KAZN: variants seen among roughly 807,000 people sequenced by gnomAD.
KAZN encodes the protein kazrin, periplakin interacting protein, also known as kazrin.
In KAZN, 40 loss-of-function variants were observed where a neutral mutation model predicts 87.4. That is an observed-to-expected ratio of 0.46 (90% CI 0.36 to 0.60). KAZN has a LOEUF of 0.60. Among genes scored for constraint, KAZN ranks in the 20% least tolerant of loss-of-function variants. The pLI is 0.00. For missense variants in KAZN, 898 were observed against 1,073.9 expected, an observed-to-expected ratio of 0.84 and a Z score of 2.29; for synonymous variants, 466 against 458.3, an observed-to-expected ratio of 1.02 and a Z score of -0.22.
intron 2 of KAZN, among the ~76,000 whole-genome samples, chr1:14,267,977 G>T (rs1651626186): frequency 1.3e-5 from 2 of 152,120 alleles, no homozygotes; most frequent in Admixed American, 6.6e-5. Flanking sequence ...AAAGAGAAAA[G>T]AAAAGCTGTT....
chr1:13,899,643 CCT>C (rs1491102424), intron 1 of KAZN, among the ~76,000 whole-genome samples: 3 of 79,092 alleles, frequency 3.8e-5, no homozygotes, highest in African/African-American at 1.9e-4. Context: ...TCTTGGTTGT[CCT>C]TTTTTTTTTT....
intron 2 of KAZN, among the ~76,000 whole-genome samples, chr1:14,259,958 G>A (rs1018305475): frequency 2.0e-5 from 3 of 152,114 alleles, no homozygotes; most frequent in Non-Finnish European, 2.9e-5. Context: ...AAAGCACAAC[G>A]CAAGCGGATT....
chr1:15,109,752 TA>T (rs1641428923), intron 13 of KAZN, among the ~76,000 whole-genome samples: 2 of 140,260 alleles, frequency 1.4e-5, no homozygotes, highest in African/African-American at 5.7e-5. Flanking sequence ...TTTGTGTTTG[TA>T]TGTTTGTGTC....
chr1:14,578,836 T>C (rs887505007), intron 2 of KAZN, among the ~76,000 whole-genome samples: 1 of 152,168 alleles, frequency 6.6e-6, no homozygotes, highest in Admixed American at 6.5e-5. Context: ...AAGAGGATGG[T>C]TTTATAGCCA....
chr1:14,044,592 A>T (rs2101421465), intron 1 of KAZN, among the ~76,000 whole-genome samples: 1 of 152,334 alleles, frequency 6.6e-6, no homozygotes, highest in South Asian at 2.1e-4. Flanking sequence ...CTTTATTATT[A>T]TTATTATTAT....
At chr1:14,716,136 AATGTGTATATATGTGC>A (rs1642782369) in intron 1 of KAZN, among the ~76,000 whole-genome samples, 2 of 152,130 alleles carry the variant, frequency 1.3e-5, no homozygotes, top group South Asian at 4.2e-4. Context: ...TGCAGAGAAA[AATGTGTATATATGTGC>A]ATGTGTATGT....
intron 1 of KAZN, among the ~76,000 whole-genome samples, chr1:14,864,272 G>T (rs976350311): frequency 1.3e-5 from 2 of 152,190 alleles, no homozygotes; most frequent in African/African-American, 2.4e-5. Flanking sequence ...TTCAACAATG[G>T]TTCACATGGG....
At chr1:13,957,412 G>A (rs1284931795) in intron 1 of KAZN, among the ~76,000 whole-genome samples, 1 of 152,196 alleles carries the variant, frequency 6.6e-6, no homozygotes, top group Non-Finnish European at 1.5e-5. Context: ...CCTTCAGACA[G>A]TAAAAGGTTA....
chr1:14,592,208 C>T (rs527644566), intron 2 of KAZN, among the ~76,000 whole-genome samples: 2 of 152,260 alleles, frequency 1.3e-5, no homozygotes, highest in Admixed American at 6.5e-5. Flanking sequence ...TTTGAATAAA[C>T]AGAGACTCCG....
At position 14,647,014 on chromosome 1, in the gene KAZN, C is replaced by T. The variant is rs376132182; in HGVS notation, c.226+47791C>T. Among the ~76,000 whole-genome samples the T allele has an allele frequency of 1.5e-4, 23 of 152,246 alleles. No homozygotes were observed. In the East Asian group the frequency reaches 1.5e-3, roughly 10 times the overall value. On this transcript the variant is annotated intron_variant, in intron 1 of 14. Coordinates refer to ENST00000376030, the MANE Select transcript of KAZN (RefSeq NM_201628.3). ...TATCCTCTCTCCACACCCATGTTAC[C>T]CCATACTCATGACTTGGCAGAGGAA...
intron 1 of KAZN, among the ~76,000 whole-genome samples, chr1:14,868,206 C>G (rs867640563): frequency 6.6e-6 from 1 of 152,066 alleles, no homozygotes; most frequent in African/African-American, 2.4e-5. Context: ...GCATCACATA[C>G]GCAGGCATCG....
At chr1:14,802,606 G>A (rs12021767) in intron 1 of KAZN, among the ~76,000 whole-genome samples, 1 of 152,186 alleles carries the variant, frequency 6.6e-6, no homozygotes, top group Non-Finnish European at 1.5e-5. Flanking sequence ...CCAGAGCGCA[G>A]CCGTCTCGGG....
intron 3 of KAZN, among the ~76,000 whole-genome samples, chr1:15,035,910 G>C (rs1284867102): frequency 6.6e-6 from 1 of 152,024 alleles, no homozygotes; most frequent in Non-Finnish European, 1.5e-5. Context: ...CCCCTTTTTT[G>C]AACAGTGGGA....
At chr1:14,175,918 A>G (rs1211709077) in intron 1 of KAZN, among the ~76,000 whole-genome samples, 1 of 152,104 alleles carries the variant, frequency 6.6e-6, no homozygotes, top group East Asian at 1.9e-4. Flanking sequence ...TGGGTAGGTT[A>G]TTTTAATGCC....
chr1:14,128,072 G>C (rs1345858991), intron 1 of KAZN, among the ~76,000 whole-genome samples: 1 of 152,192 alleles, frequency 6.6e-6, no homozygotes, highest in Non-Finnish European at 1.5e-5. Flanking sequence ...AAAAGTCCAA[G>C]GTTAGGCAGA....
chr1:14,142,508 C>T (rs1645261736), intron 1 of KAZN, among the ~76,000 whole-genome samples: 1 of 152,184 alleles, frequency 6.6e-6, no homozygotes, highest in Non-Finnish European at 1.5e-5. Flanking sequence ...ACACACTTTA[C>T]GTGCTATGTG....
At chr1:14,674,858 C>T (rs1640121458) in intron 1 of KAZN, among the ~76,000 whole-genome samples, 1 of 152,066 alleles carries the variant, frequency 6.6e-6, no homozygotes, top group African/African-American at 2.4e-5. Context: ...GCAATCATAG[C>T]TCACTGCAGC....
intron 1 of KAZN, among the ~76,000 whole-genome samples, chr1:14,680,987 A>G (rs1640536399): frequency 6.6e-6 from 1 of 152,192 alleles, no homozygotes. Flanking sequence ...GAAGATGTAG[A>G]GGGAACAGGC....
intron 1 of KAZN, among the ~76,000 whole-genome samples, chr1:14,095,752 G>A (rs1432328565): frequency 1.3e-5 from 2 of 152,088 alleles, no homozygotes; most frequent in Non-Finnish European, 2.9e-5. Context: ...CGGTTTCTCA[G>A]GGTTCCCAGG....
Sources: allele counts gnomAD v4.1 joint callset (sites outside exome capture counted in the v4.1 genomes callset), GRCh38; gene constraint gnomAD v4.1.1; transcripts MANE v1.5; gene names NCBI Gene and HGNC (gene_info 2026-07-23, HGNC 2026-07-21).